PLSCR4: variants seen among roughly 807,000 people sequenced by gnomAD.
PLSCR4 encodes the protein phospholipid scramblase 4.
Under a neutral mutation model 36.3 loss-of-function variants are expected in PLSCR4, and 25 were observed. The observed-to-expected ratio is 0.69, with a 90% CI of 0.50 to 0.96. PLSCR4 has a LOEUF of 0.96. PLSCR4 is among the 40% of genes least tolerant of loss of function. PLSCR4 has a pLI of 0.00. For missense variants in PLSCR4, 408 were observed against 414.7 expected (o/e 0.98, Z 0.14); for synonymous variants, 122 against 132.9 (o/e 0.92, Z 0.56).
intron 1 of PLSCR4, among the ~76,000 whole-genome samples, chr3:146,235,611 C>A (rs1033800793): frequency 6.6e-6 from 1 of 152,092 alleles, no homozygotes; most frequent in South Asian, 2.1e-4. Flanking sequence ...TATAAAGATA[C>A]CTGAAAATGT....
At chr3:146,229,337 G>C (rs560166582) in intron 1 of PLSCR4, among the ~76,000 whole-genome samples, 2 of 152,138 alleles carry the variant, frequency 1.3e-5, no homozygotes, top group South Asian at 2.1e-4. Flanking sequence ...TGACCTCCAG[G>C]GGGGTGGGGG....
At chr3:146,243,468 A>C (rs2036229886) in intron 1 of PLSCR4, among the ~76,000 whole-genome samples, 1 of 152,204 alleles carries the variant, frequency 6.6e-6, no homozygotes, top group Non-Finnish European at 1.5e-5. Context: ...TATAATATTC[A>C]TGCAGAGTTC....
intron 2 of PLSCR4, 125 bp from the exon 3 acceptor site, chr3:146,221,050 A>G: frequency 1.8e-6 from 1 of 561,856 alleles, no homozygotes; most frequent in Middle Eastern, 3.4e-4. Context: ...ACACTCCTAT[A>G]TTTTTTAAAG....
In PLSCR4 at chr3:146,242,741, T is replaced by G. The variant is rs1281334361; in HGVS notation, c.-22+8219A>C. Among the ~76,000 whole-genome samples the G allele has an allele frequency of 2.6e-5, 4 of 152,156 alleles. No individual in the cohort carries two copies. In the East Asian group the frequency reaches 7.7e-4, roughly 29 times the overall value. ...CTTTTCGAGACGAATGGGAGAACCT[T>G]AGCAAAAGTAACTTAGAATGGCTAC... is the stretch of plus-strand genomic sequence containing the variant. On this transcript the variant is annotated intron_variant, in intron 1 of 8. Coordinates refer to ENST00000354952, the MANE Select transcript of PLSCR4 (RefSeq NM_020353.3).
intron 1 of PLSCR4, among the ~76,000 whole-genome samples, chr3:146,239,151 T>G (rs1267815440): frequency 6.6e-6 from 1 of 152,148 alleles, no homozygotes. Context: ...ATAGCAATAC[T>G]CCCCAAATTT....
Position 146,222,073 on chromosome 3 carries a change from T to G in PLSCR4, c.-2A>C. On this transcript the variant is annotated 5_prime_UTR_variant, in exon 2 of 9. Coordinates refer to ENST00000354952, the MANE Select transcript of PLSCR4 (RefSeq NM_020353.3). ...TATTCACAAAAACTTACCTGACATT[T>G]TGAAGAATTCCAATTAATCCTGAAA... The G allele has an allele frequency of 8.3e-7, 1 of 1,210,276 alleles. No homozygotes were observed. The highest frequency in any genetic ancestry group is 1.1e-6 in the Non-Finnish European group (1 of 881,414). 75.0% of individuals were successfully genotyped at this position (1,210,276 alleles called of 1,614,324 possible).
intron 1 of PLSCR4, among the ~76,000 whole-genome samples, chr3:146,227,103 T>C (rs1219563528): frequency 6.6e-6 from 1 of 152,240 alleles, no homozygotes; most frequent in Non-Finnish European, 1.5e-5. Context: ...AGTGAACTGC[T>C]TCAGATTTCC....
At chr3:146,215,630 T>C (rs932674318) in intron 3 of PLSCR4, among the ~76,000 whole-genome samples, 3 of 151,936 alleles carry the variant, frequency 2.0e-5, no homozygotes, top group African/African-American at 7.3e-5. Flanking sequence ...TGTATATGTA[T>C]GTATATGTTT....
At position 146,222,781 on chromosome 3, in the gene PLSCR4, C is replaced by T. The variant is rs148197772; in HGVS notation, c.-21-689G>A. On this transcript the variant is annotated intron_variant, in intron 1 of 8. Coordinates refer to ENST00000354952, the MANE Select transcript of PLSCR4 (RefSeq NM_020353.3). ...AGTCGGTGGAGTGATCAGATCTGAC[C>T]GACATCATACAATGAGAGCAAGAGT... 1.8e-3 allele frequency among the ~76,000 whole-genome samples: 268 copies of T among 152,110 alleles called. 1 individual carries two copies. The highest frequency in any genetic ancestry group is 6.0e-3 in the African/African-American group (250 of 41,470).
At chr3:146,246,721 T>C (rs1258096934) in intron 1 of PLSCR4, among the ~76,000 whole-genome samples, 1 of 152,162 alleles carries the variant, frequency 6.6e-6, no homozygotes, top group Non-Finnish European at 1.5e-5. Flanking sequence ...AGTCTTTTAG[T>C]ATTTAAAATT....
Position 146,196,712 on chromosome 3 carries a change from G to C in PLSCR4, c.706C>G (p.Gln236Glu), listed in dbSNP as rs779762491. The C allele has an allele frequency of 1.9e-6, 3 of 1,613,794 alleles. No homozygotes were observed. Among genetic ancestry groups the C allele is most frequent in the South Asian group, 1.1e-5 (1 of 91,068 alleles). Reference sequence around the variant, plus strand: ...ATCACATTTTCTTTCTTCTCATTTTGGATGCTGTACACCGCCCTGCACAGG... The same window carrying C: ...ATCACATTTTCTTTCTTCTCATTTTCGATGCTGTACACCGCCCTGCACAGG... The part of the protein sequence containing the change: ...WNLCRAVYSI[Q>E]NEKKENVMRV... Residue 236 changes from glutamine (Q) to glutamate (E), a missense_variant, in exon 7 of 9, where the codon CAA (glutamine) becomes GAA (glutamate). Transcript: ENST00000354952.
At chr3:146,249,981 T>C (rs938318545) in intron 1 of PLSCR4, among the ~76,000 whole-genome samples, 2 of 152,328 alleles carry the variant, frequency 1.3e-5, no homozygotes, top group African/African-American at 4.8e-5. Flanking sequence ...ATTGGAAACT[T>C]TGATAAATTC....
chr3:146,199,399 G>T (rs1363620591), intron 6 of PLSCR4, among the ~76,000 whole-genome samples: 1 of 152,066 alleles, frequency 6.6e-6, no homozygotes, highest in African/African-American at 2.4e-5. Flanking sequence ...TTTATCTGTG[G>T]CAAGGTATGC....
rs1472677281 is a variant in PLSCR4, at chr3:146,192,450, A to G, written c.*1961T>C. On this transcript the variant is annotated 3_prime_UTR_variant, in exon 9 of 9. Coordinates refer to ENST00000354952, the MANE Select transcript of PLSCR4 (RefSeq NM_020353.3). ...TCAATCCGATCAATTTTACACAACA[A>G]AATATCATTAAGAAACATAGAAATC... 1 of 151,324 alleles carries G rather than the reference A, an allele frequency of 6.6e-6. No individual in the cohort carries two copies. Among genetic ancestry groups the G allele is most frequent in the Admixed American group, 6.6e-5 (1 of 15,186 alleles). 9.4% of individuals were successfully genotyped at this position (151,324 alleles called of 1,614,324 possible). A position where few individuals can be genotyped will look rare whatever the true frequency, so the allele number is the denominator to read the frequency against.
chr3:146,237,972 T>C (rs1396949584), intron 1 of PLSCR4, among the ~76,000 whole-genome samples: 3 of 151,642 alleles, frequency 2.0e-5, no homozygotes, highest in Non-Finnish European at 2.9e-5. Context: ...AGAGAAAAGA[T>C]TCAAATTACC....
chr3:146,215,078 C>G (rs1373248103), intron 3 of PLSCR4, among the ~76,000 whole-genome samples: 3 of 151,962 alleles, frequency 2.0e-5, no homozygotes, highest in African/African-American at 7.2e-5. Context: ...GATATTTCAT[C>G]AATTCTTATC....
chr3:146,225,120 CAG>C (rs1426195752), intron 1 of PLSCR4, among the ~76,000 whole-genome samples: 4 of 152,136 alleles, frequency 2.6e-5, no homozygotes, highest in South Asian at 4.2e-4. Context: ...CAGCTAGATA[CAG>C]AGTGTCCATT....
intron 1 of PLSCR4, among the ~76,000 whole-genome samples, chr3:146,241,997 G>T (rs561764750): frequency 1.3e-5 from 2 of 152,302 alleles, no homozygotes; most frequent in South Asian, 4.1e-4. Flanking sequence ...TTGTATTCTT[G>T]TAACAAGTAG....
intron 3 of PLSCR4, among the ~76,000 whole-genome samples, chr3:146,209,323 T>C (rs1479289059): frequency 2.0e-5 from 3 of 152,004 alleles, no homozygotes; most frequent in African/African-American, 7.2e-5. Context: ...TGTATACTGC[T>C]TGGGTGGTGG....
Sources: gnomAD v4.1 joint callset for allele counts (sites outside exome capture counted in the v4.1 genomes callset) on GRCh38, gnomAD v4.1.1 for gene constraint, MANE v1.5 for transcripts, NCBI Gene and HGNC (gene_info 2026-07-23, HGNC 2026-07-21) for gene names.